RYR3: variants seen among roughly 807,000 people sequenced by gnomAD.
RYR3 encodes the protein ryanodine receptor 3, also known as brain ryanodine receptor-calcium release channel.
In RYR3, 207 loss-of-function variants were observed where a neutral mutation model predicts 584.3. That is an observed-to-expected ratio of 0.35 (90% CI 0.32 to 0.40). The LOEUF is 0.40. Among genes scored for constraint, RYR3 ranks in the 10% least tolerant of loss-of-function variants. The pLI is 1.00. For missense variants in RYR3, 5,616 were observed against 6,089.2 expected (o/e 0.92, Z 2.59); for synonymous variants, 2,416 against 2,248.5 (o/e 1.07, Z -2.11).
chr15:33,819,905 A>T, intron 77 of RYR3, 98 bp downstream of exon 77: 1 of 894,438 alleles, frequency 1.1e-6, no homozygotes, highest in Non-Finnish European at 1.7e-6. Flanking sequence ...CAGGCCTGGG[A>T]CTTTGTCATG....
intron 1 of RYR3, among the ~76,000 whole-genome samples, chr15:33,381,813 A>G (rs989428089): frequency 7.9e-5 from 12 of 152,208 alleles, no homozygotes; most frequent in Non-Finnish European, 4.4e-5. Context: ...CATTAGTATG[A>G]GCACAACAGT....
chr15:33,400,862 A>G (rs562445306), intron 1 of RYR3, among the ~76,000 whole-genome samples: 13 of 152,346 alleles, frequency 8.5e-5, no homozygotes, highest in Middle Eastern at 3.4e-3. Flanking sequence ...TAAGTATTGC[A>G]GTACCCTTTT....
chr15:33,521,605 C>G (rs1370348300), intron 3 of RYR3, among the ~76,000 whole-genome samples: 1 of 152,128 alleles, frequency 6.6e-6, no homozygotes, highest in African/African-American at 2.4e-5. Context: ...AAAGGAGTGC[C>G]TTTCTGTGCA....
chr15:33,505,612 C>T (rs1024109275), intron 3 of RYR3, among the ~76,000 whole-genome samples: 4 of 152,294 alleles, frequency 2.6e-5, no homozygotes, highest in Middle Eastern at 3.4e-3. Context: ...CTGCCTCAGC[C>T]TCCTGAGTAG....
At chr15:33,672,871 G>C (rs561383197) in intron 38 of RYR3, among the ~76,000 whole-genome samples, 12 of 152,298 alleles carry the variant, frequency 7.9e-5, no homozygotes, top group Admixed American at 7.8e-4. Flanking sequence ...CCATTGTATA[G>C]TTGGGGGAAG....
chr15:33,333,911 C>T (rs1263264425), intron 1 of RYR3, among the ~76,000 whole-genome samples: 1 of 151,736 alleles, frequency 6.6e-6, no homozygotes, highest in African/African-American at 2.4e-5. Flanking sequence ...ACAGTCTAGC[C>T]AAGAGCCAAA....
intron 13 of RYR3, among the ~76,000 whole-genome samples, chr15:33,581,228 T>C (rs1048310001): frequency 6.6e-6 from 1 of 152,272 alleles, no homozygotes; most frequent in East Asian, 1.9e-4. Context: ...TCCCTCTTCC[T>C]AAGTATGTCC....
intron 32 of RYR3, among the ~76,000 whole-genome samples, chr15:33,655,387 T>C (rs2062766670): frequency 6.6e-6 from 1 of 152,214 alleles, no homozygotes; most frequent in East Asian, 1.9e-4. Context: ...AAGCATCTCA[T>C]AACTTTTAAG....
At chr15:33,839,860 CAAT>C (rs2078249457) in intron 89 of RYR3, 1 of 152,170 alleles carries the variant, frequency 6.6e-6, no homozygotes, top group Non-Finnish European at 1.5e-5. Flanking sequence ...AGCATTCCCA[CAAT>C]ATTCTGTTTT....
At chr15:33,461,601 T>C (rs1402056871) in intron 1 of RYR3, among the ~76,000 whole-genome samples, 1 of 152,188 alleles carries the variant, frequency 6.6e-6, no homozygotes, top group East Asian at 1.9e-4. Flanking sequence ...ATCCTCGCCT[T>C]CTAAGCCTAA....
At chr15:33,794,069 A>C (rs868065417) in intron 67 of RYR3, among the ~76,000 whole-genome samples, 1 of 123,722 alleles carries the variant, frequency 8.1e-6, no homozygotes, top group African/African-American at 3.9e-5. Flanking sequence ...TACATAAATA[A>C]ATATATATAA....
chr15:33,534,736 C>G (rs566107994), intron 5 of RYR3, among the ~76,000 whole-genome samples: 27 of 152,278 alleles, frequency 1.8e-4, no homozygotes, highest in African/African-American at 6.5e-4. Context: ...TGAAAGGAGG[C>G]ACATTTCACA....
Position 33,838,056 on chromosome 15 carries a change from G to C in RYR3, c.12076G>C (p.Glu4026Gln). 3 of 1,613,930 alleles carry C rather than the reference G, an allele frequency of 1.9e-6. No individual in the cohort carries two copies. Among genetic ancestry groups the C allele is most frequent in the Non-Finnish European group, 2.5e-6 (3 of 1,179,886 alleles). Residue 4026 changes from glutamate (E) to glutamine (Q), a missense_variant, in exon 89 of 104, where the codon GAA (glutamate) becomes CAA (glutamine). Physicochemically the swap from Glu to Gln is conservative, Grantham distance 29. This residue lies in a region of RYR3 where 258 missense variants were observed against 297.3 expected (regional missense o/e 0.87). Coordinates refer to ENST00000634891, the MANE Select transcript of RYR3 (RefSeq NM_001036.6). ...DPAESVLNYFEPYLGRIEIMG... is the reference protein window; with the variant it reads ...DPAESVLNYFQPYLGRIEIMG... Reference sequence around the variant, plus strand: ...AGCAGAAAGTGTGCTAAATTACTTCGAACCCTACCTAGGACGCATCGAGAT... The same window carrying C: ...AGCAGAAAGTGTGCTAAATTACTTCCAACCCTACCTAGGACGCATCGAGAT...
intron 16 of RYR3, among the ~76,000 whole-genome samples, chr15:33,598,448 C>T (rs995713768): frequency 2.0e-5 from 3 of 151,926 alleles, no homozygotes; most frequent in East Asian, 3.9e-4. Context: ...GCTAAACTAA[C>T]AACGATCACA....
intron 38 of RYR3, among the ~76,000 whole-genome samples, chr15:33,689,193 TG>T (rs2065235633): frequency 1.0e-5 from 1 of 100,492 alleles, no homozygotes; most frequent in Non-Finnish European, 1.8e-5. Flanking sequence ...GGACACAGGG[TG>T]GGGAACATCA....
At position 33,729,006 on chromosome 15, in the gene RYR3, G is replaced by T. The variant is rs774349623; in HGVS notation, c.7183G>T (p.Ala2395Ser). The T allele has an allele frequency of 1.2e-6, 2 of 1,613,858 alleles. No homozygotes were observed. Among genetic ancestry groups the T allele is most frequent in the Non-Finnish European group, 1.7e-6 (2 of 1,179,848 alleles). Residue 2395 changes from alanine to serine, a missense_variant, in exon 47 of 104, where the codon GCT (alanine) becomes TCT (serine). Physicochemically the swap from Ala to Ser is moderately conservative, Grantham distance 99. Coordinates refer to ENST00000634891, the MANE Select transcript of RYR3 (RefSeq NM_001036.6). ...GGTTGGATTTTTACCTGACCTAAGA[G>T]CTTCTGCCTCTCTAGATACAGTAAG... The part of the protein sequence containing the change: ...LEVGFLPDLR[A>S]SASLDTVSLS...
intron 103 of RYR3, 112 bp from the exon 104 acceptor site, chr15:33,865,019 C>T: frequency 2.8e-6 from 2 of 725,836 alleles, no homozygotes; most frequent in East Asian, 2.6e-5. Flanking sequence ...GGTTTGGCCT[C>T]ATATAAATTC....
At chr15:33,765,074 A>C (rs2072899739) in intron 60 of RYR3, among the ~76,000 whole-genome samples, 1 of 148,842 alleles carries the variant, frequency 6.7e-6, no homozygotes, top group Admixed American at 6.7e-5. Context: ...TCCTGATGTG[A>C]GTGAGCTGAA....
At chr15:33,631,656 A>G (rs1211804921) in intron 23 of RYR3, among the ~76,000 whole-genome samples, 1 of 152,176 alleles carries the variant, frequency 6.6e-6, no homozygotes, top group East Asian at 1.9e-4. Context: ...CAGCCTTGTA[A>G]GTCCTTTGTG....
Sources: gnomAD v4.1 joint callset for allele counts (sites outside exome capture counted in the v4.1 genomes callset) on GRCh38, gnomAD v4.1.1 for gene constraint, gnomAD v4.1.1 regional missense constraint, MANE v1.5 for transcripts, NCBI Gene and HGNC (gene_info 2026-07-23, HGNC 2026-07-21) for gene names.